Variants in CHRM5 observed in about 807,000 individuals in gnomAD.
CHRM5 encodes cholinergic receptor muscarinic 5, also known as muscarinic acetylcholine receptor M5.
Under a neutral mutation model 39.0 loss-of-function variants are expected in CHRM5, and 18 were observed. The ratio of observed to expected loss-of-function variants is 0.46; its 90% CI spans 0.32 to 0.68. The LOEUF is 0.68. Ranked by LOEUF, CHRM5 falls within the 30% of genes least tolerant of loss-of-function variation. The pLI is 0.04. For synonymous variants in CHRM5, 241 were observed against 246.3 expected, an observed-to-expected ratio of 0.98 and a Z score of 0.20; for missense variants, 515 against 651.1, an observed-to-expected ratio of 0.79 and a Z score of 2.28.
chr15:33,973,143 A>C (rs1013219714), intron 1 of CHRM5, among the ~76,000 whole-genome samples: 2 of 152,352 alleles, frequency 1.3e-5, no homozygotes, highest in East Asian at 3.9e-4. Flanking sequence ...ACTTTTATAG[A>C]CATTGTTTGA....
At chr15:34,015,052 T>G (rs1053208616) in intron 1 of CHRM5, among the ~76,000 whole-genome samples, 4 of 152,080 alleles carry the variant, frequency 2.6e-5, no homozygotes, top group African/African-American at 9.7e-5. Flanking sequence ...AAAGCTGTCC[T>G]TAACAGTGTG....
At chr15:34,037,083 T>C (rs1396997010) in intron 1 of CHRM5, among the ~76,000 whole-genome samples, 2 of 150,030 alleles carry the variant, frequency 1.3e-5, no homozygotes, top group Non-Finnish European at 2.9e-5. Context: ...CACTCCAGCC[T>C]GGGCAACAAG....
At chr15:34,016,355 T>C (rs114427995) in intron 1 of CHRM5, among the ~76,000 whole-genome samples, 59 of 152,328 alleles carry the variant, frequency 3.9e-4, no homozygotes, top group African/African-American at 1.4e-3. Context: ...TCTTATTATG[T>C]AGTAAACTTA....
Position 34,063,041 on chromosome 15 carries a change from A to T in CHRM5, c.324A>T (p.Ala108=). Residue 108 remains alanine (A), a synonymous_variant, in exon 3 of 3, where the codon GCA becomes GCT. Transcript: ENST00000383263. This position sits in a 1 kb window ranked among gnomAD's most constrained non-coding sequence, Gnocchi z 4.1. ...LGSLACDLWL[A]LDYVASNASV... ...GTCTGGCTTGTGACCTTTGGCTTGC[A>T]CTGGACTACGTGGCCAGCAACGCTT... The T allele has an allele frequency of 6.2e-7, 1 of 1,614,244 alleles. No individual in the cohort carries two copies. The highest frequency in any genetic ancestry group is 8.5e-7 in the Non-Finnish European group (1 of 1,180,048).
chr15:33,996,618 C>T (rs1896948787), intron 1 of CHRM5, among the ~76,000 whole-genome samples: 1 of 152,238 alleles, frequency 6.6e-6, no homozygotes, highest in Non-Finnish European at 1.5e-5. Context: ...AGGGACCTGA[C>T]TGTTAGAAGG....
chr15:33,971,080 A>C (rs1027735210), intron 1 of CHRM5, among the ~76,000 whole-genome samples: 1 of 152,036 alleles, frequency 6.6e-6, no homozygotes, highest in Non-Finnish European at 1.5e-5. Context: ...GGGTGAAAAA[A>C]AAATTGAAAA....
chr15:34,032,023 G>GCACACACACACACA (rs10643932), intron 1 of CHRM5, among the ~76,000 whole-genome samples: 1 of 148,944 alleles, frequency 6.7e-6, no homozygotes, highest in Non-Finnish European at 1.5e-5. Context: ...GCGCGCACAC[G>GCACACACACACACA]CACACACACA....
intron 1 of CHRM5, chr15:34,003,295 A>G: frequency 8.5e-7 from 1 of 1,174,410 alleles, no homozygotes; most frequent in South Asian, 1.4e-5. Flanking sequence ...AAGTACATGG[A>G]CATAACAATA....
chr15:34,033,489 G>A (rs1205442281), intron 1 of CHRM5, among the ~76,000 whole-genome samples: 3 of 150,004 alleles, frequency 2.0e-5, no homozygotes, highest in African/African-American at 4.9e-5. Context: ...CTGGGTAACA[G>A]AGCGAGGCTC....
At chr15:33,972,007 T>C (rs1266381750) in intron 1 of CHRM5, 1 of 152,122 alleles carries the variant, frequency 6.6e-6, no homozygotes. Context: ...TAAGCACTAT[T>C]ATTTCAAGTC....
chr15:34,047,944 G>A (rs532802698), intron 2 of CHRM5, among the ~76,000 whole-genome samples: 1 of 152,190 alleles, frequency 6.6e-6, no homozygotes, highest in African/African-American at 2.4e-5. Flanking sequence ...GGGTGCACGG[G>A]AGAAGGGATG....
intron 1 of CHRM5, among the ~76,000 whole-genome samples, chr15:34,000,917 A>G (rs1385106878): frequency 6.6e-6 from 1 of 152,202 alleles, no homozygotes; most frequent in East Asian, 1.9e-4. Flanking sequence ...AGAAAAATAC[A>G]TGAGAGACTC....
rs1350317006 is a variant in CHRM5 at position 34,039,179 on chromosome 15, G to C, written c.-407-7361G>C. ...GGTAGCAGCGAGGCGCGGGGTGCGG[G>C]GCTAGGGATCGAGGCCGGCCGCAGC... On this transcript the variant is annotated intron_variant, in intron 1 of 2. Coordinates refer to ENST00000383263, the MANE Select transcript of CHRM5 (RefSeq NM_012125.4). 6.3e-6 allele frequency: 5 copies of C among 793,380 alleles called. No individual in the cohort carries two copies. In the African/African-American group the frequency reaches 9.4e-5, roughly 15 times the overall value. 49.1% of individuals were successfully genotyped at this position (793,380 alleles called of 1,614,324 possible). A position where few individuals can be genotyped will look rare whatever the true frequency, so the allele number is the denominator to read the frequency against.
intron 1 of CHRM5, among the ~76,000 whole-genome samples, chr15:33,993,931 G>C (rs1002081166): frequency 6.6e-6 from 1 of 152,152 alleles, no homozygotes; most frequent in Admixed American, 6.5e-5. Flanking sequence ...ATGTTGAAAA[G>C]ATTCATCCAC....
At chr15:34,022,567 G>A (rs1597362241) in intron 1 of CHRM5, among the ~76,000 whole-genome samples, 2 of 152,322 alleles carry the variant, frequency 1.3e-5, no homozygotes, top group East Asian at 3.9e-4. Flanking sequence ...CACAAACTTT[G>A]AGGCTGGGCC....
chr15:34,038,635 C>T lies in CHRM5; in HGVS notation c.-407-7905C>T. 5.2e-6 allele frequency: 3 copies of T among 574,032 alleles called. 1 individual carries two copies. The highest frequency in any genetic ancestry group is 1.6e-4 in the South Asian group (2 of 12,828). 35.6% of individuals were successfully genotyped at this position (574,032 alleles called of 1,614,324 possible). ...CGCCACCAGGCGCGCCCCCGCGCCA[C>T]CATCCGCCCGTCCCGCGCAGGCGCC... On this transcript the variant is annotated intron_variant, in intron 1 of 2. Coordinates refer to ENST00000383263, the MANE Select transcript of CHRM5 (RefSeq NM_012125.4).
chr15:34,062,173 A>T (rs1284719999), intron 2 of CHRM5, among the ~76,000 whole-genome samples: 1 of 152,262 alleles, frequency 6.6e-6, no homozygotes, highest in Non-Finnish European at 1.5e-5. Flanking sequence ...AAGCAAAAGG[A>T]TGCCATTAAA....
intron 1 of CHRM5, among the ~76,000 whole-genome samples, chr15:33,987,742 G>A (rs1378849520): frequency 6.6e-6 from 1 of 152,124 alleles, no homozygotes; most frequent in Admixed American, 6.5e-5. Context: ...GCCCCAGAAG[G>A]CAGGAACCAC....
At chr15:34,026,320 C>T (rs1898470362) in intron 1 of CHRM5, among the ~76,000 whole-genome samples, 1 of 152,044 alleles carries the variant, frequency 6.6e-6, no homozygotes, top group African/African-American at 2.4e-5. Flanking sequence ...ATTTTTCCTA[C>T]TATGTGACAG....
Sources: gnomAD v4.1 joint callset for allele counts (sites outside exome capture counted in the v4.1 genomes callset) on GRCh38, gnomAD v4.1.1 for gene constraint, Gnocchi (gnomAD v3.1) non-coding constraint, MANE v1.5 for transcripts, NCBI Gene and HGNC (gene_info 2026-07-23, HGNC 2026-07-21) for gene names.